Variants in DOK6 observed in about 807,000 individuals in gnomAD.
DOK6 encodes the protein docking protein 6, also known as downstream of tyrosine kinase 6.
Under a neutral mutation model 44.0 loss-of-function variants are expected in DOK6, and 22 were observed. That is an observed-to-expected ratio of 0.50 (90% CI 0.36 to 0.71). The LOEUF (loss-of-function observed/expected upper bound fraction) is 0.71, where lower values mean the gene tolerates loss of function less well. Ranked by LOEUF, DOK6 falls within the 30% of genes least tolerant of loss-of-function variation. The pLI is 0.00. For synonymous variants in DOK6, 166 were observed against 145.5 expected, an observed-to-expected ratio of 1.14 and a Z score of -1.01; for missense variants, 340 against 416.4, an observed-to-expected ratio of 0.82 and a Z score of 1.60.
chr18:69,674,274 C>T (rs1185431886), intron 3 of DOK6, among the ~76,000 whole-genome samples: 1 of 152,180 alleles, frequency 6.6e-6, no homozygotes, highest in African/African-American at 2.4e-5. Context: ...AGCTTATGTG[C>T]AGCAAAACTG....
intron 7 of DOK6, among the ~76,000 whole-genome samples, chr18:69,785,470 T>TG (rs1170240846): frequency 1.3e-5 from 2 of 152,202 alleles, no homozygotes; most frequent in Non-Finnish European, 2.9e-5. Flanking sequence ...GCCAAGGCCA[T>TG]GGTGGTTTAA....
intron 7 of DOK6, among the ~76,000 whole-genome samples, chr18:69,809,872 T>C (rs997572723): frequency 3.3e-5 from 5 of 151,884 alleles, no homozygotes; most frequent in African/African-American, 1.2e-4. Flanking sequence ...TGTTTATGGA[T>C]TGGAGGAATT....
chr18:69,623,859 A>G (rs893942572), intron 3 of DOK6, among the ~76,000 whole-genome samples: 5 of 152,202 alleles, frequency 3.3e-5, no homozygotes, highest in African/African-American at 1.2e-4. Context: ...TTGAGGGAGT[A>G]TTACCCAGAA....
intron 2 of DOK6, among the ~76,000 whole-genome samples, chr18:69,598,909 C>A (rs4534953): frequency 0.43 from 65,585 of 151,792 alleles, 14,615 homozygotes; most frequent in African/African-American, 0.56. Context: ...CTAAAATGTA[C>A]CTTTTGGAGC....
chr18:69,478,696 A>G (rs1980336866), intron 1 of DOK6, among the ~76,000 whole-genome samples: 1 of 152,144 alleles, frequency 6.6e-6, no homozygotes, highest in Non-Finnish European at 1.5e-5. Context: ...TTATACAGAG[A>G]GTTTACTATT....
At position 69,567,542 on chromosome 18, in the gene DOK6, G is replaced by C. The variant is rs550782734; in HGVS notation, c.174+2948G>C. 2.3e-4 allele frequency among the ~76,000 whole-genome samples: 35 copies of C among 152,286 alleles called. No homozygotes were observed. The South Asian group carries it at 6.6e-3, about 29-fold the overall frequency. ...ACCTGAAAGAGATCTGTTGTGACTG[G>C]AGTGTAGGAAAAGAGGTCATAAAAA... is the stretch of plus-strand genomic sequence containing the variant. On this transcript the variant is annotated intron_variant, in intron 2 of 7. Transcript: ENST00000382713.
intron 6 of DOK6, among the ~76,000 whole-genome samples, chr18:69,742,021 T>C (rs892244741): frequency 5.3e-5 from 8 of 152,198 alleles, no homozygotes; most frequent in Admixed American, 2.0e-4. Context: ...TATAACCCAC[T>C]TTCTTTGGGG....
chr18:69,563,005 C>T (rs1227595786), intron 1 of DOK6, among the ~76,000 whole-genome samples: 3 of 152,190 alleles, frequency 2.0e-5, no homozygotes, highest in Non-Finnish European at 4.4e-5. Flanking sequence ...TGAACAGACA[C>T]TTCTCAAAAG....
chr18:69,429,605 A>G, intron 1 of DOK6, among the ~76,000 whole-genome samples: 1 of 137,010 alleles, frequency 7.3e-6, no homozygotes, highest in African/African-American at 2.6e-5. Flanking sequence ...TCTATAAGGA[A>G]AATATTGAGG....
chr18:69,753,065 C>T (rs1415127698), intron 6 of DOK6, among the ~76,000 whole-genome samples: 1 of 152,120 alleles, frequency 6.6e-6, no homozygotes, highest in East Asian at 1.9e-4. Context: ...GCCAGAGTGA[C>T]ACAGGACTCA....
chr18:69,640,381 A>T (rs977130247), intron 3 of DOK6, among the ~76,000 whole-genome samples: 5 of 152,176 alleles, frequency 3.3e-5, no homozygotes, highest in African/African-American at 1.2e-4. Context: ...ACAATTGTAT[A>T]AAAAAAGTGC....
rs1280935077 is a variant in DOK6 at position 69,844,301 on chromosome 18, T to G, written c.*2918T>G. The G allele has an allele frequency of 6.6e-6, 1 of 152,164 alleles. No individual in the cohort carries two copies. 9.4% of individuals were successfully genotyped at this position (152,164 alleles called of 1,614,324 possible). ...TGAATTCCATTCAGATTTGTACAGA[T>G]AAATAGATGGTCACCATTTCTGCAT... On this transcript the variant is annotated 3_prime_UTR_variant, in exon 8 of 8. Coordinates refer to ENST00000382713, the MANE Select transcript of DOK6 (RefSeq NM_152721.6).
At chr18:69,807,358 GACA>G (rs1182713501) in intron 7 of DOK6, among the ~76,000 whole-genome samples, 1 of 151,850 alleles carries the variant, frequency 6.6e-6, no homozygotes, top group Non-Finnish European at 1.5e-5. Context: ...CACAAAGGAA[GACA>G]ACAAGAGATG....
At chr18:69,416,660 G>T (rs995541310) in intron 1 of DOK6, among the ~76,000 whole-genome samples, 2 of 152,060 alleles carry the variant, frequency 1.3e-5, no homozygotes, top group African/African-American at 4.8e-5. Context: ...CCTCCAGATT[G>T]TATGACCTAT....
chr18:69,552,717 C>T (rs1417553293), intron 1 of DOK6, among the ~76,000 whole-genome samples: 1 of 152,126 alleles, frequency 6.6e-6, no homozygotes, highest in Non-Finnish European at 1.5e-5. Context: ...AGGTGAACTC[C>T]ATGAAGACAA....
intron 7 of DOK6, among the ~76,000 whole-genome samples, chr18:69,818,737 C>T (rs907860081): frequency 4.6e-5 from 7 of 152,184 alleles, no homozygotes; most frequent in Admixed American, 2.0e-4. Flanking sequence ...GTATACAGTC[C>T]CGTGACACTG....
rs1916087522 is a variant in DOK6 at position 69,401,146 on chromosome 18, G to T, written c.-99G>T. 1 of 1,247,606 alleles carries T rather than the reference G, an allele frequency of 8.0e-7. No homozygotes were observed. Among genetic ancestry groups the T allele is most frequent in the Non-Finnish European group, 1.0e-6 (1 of 963,016 alleles). The allele number at this position is 1,247,606 out of a possible 1,614,324, so 77.3% of individuals were successfully genotyped here. On this transcript the variant is annotated 5_prime_UTR_variant, in exon 1 of 8. Transcript: ENST00000382713. ...GGGCGGCGGCGCTGCTGCTGGCGGC[G>T]GCCGGCTGGATGCGAGACCCGCGCA...
chr18:69,711,292 T>C (rs1986751153), intron 5 of DOK6, among the ~76,000 whole-genome samples: 1 of 152,180 alleles, frequency 6.6e-6, no homozygotes, highest in South Asian at 2.1e-4. Flanking sequence ...ATTCATTACC[T>C]TTGGAAATAC....
intron 4 of DOK6, 50 bp downstream of exon 4, chr18:69,677,903 G>A (rs1176482614): frequency 6.3e-7 from 1 of 1,578,346 alleles, no homozygotes; most frequent in South Asian, 1.1e-5. Context: ...TGTAATTGTA[G>A]AACTTTGAAA....
Sources: gnomAD v4.1 joint callset for allele counts (sites outside exome capture counted in the v4.1 genomes callset) on GRCh38, gnomAD v4.1.1 for gene constraint, MANE v1.5 for transcripts, NCBI Gene and HGNC (gene_info 2026-07-23, HGNC 2026-07-21) for gene names.